FNBP1: variants seen among roughly 807,000 people sequenced by gnomAD.
FNBP1 encodes the protein formin binding protein 1.
FNBP1 carries 26 observed loss-of-function variants against 90.6 expected under a neutral mutation model. That is an observed-to-expected ratio of 0.29 (90% CI 0.21 to 0.40). The LOEUF (loss-of-function observed/expected upper bound fraction) is 0.40, where lower values mean the gene tolerates loss of function less well. Among genes scored for constraint, FNBP1 ranks in the 10% least tolerant of loss-of-function variants. The probability of loss-of-function intolerance (pLI) is 1.00; values close to 1 mark genes in which losing one functional copy is unlikely to be tolerated. For missense variants in FNBP1, 635 were observed against 768.0 expected (o/e 0.83, Z 2.05); for synonymous variants, 260 against 265.2 (o/e 0.98, Z 0.19).
chr9:130,019,033 T>C (rs1411255956), intron 1 of FNBP1, among the ~76,000 whole-genome samples: 1 of 152,062 alleles, frequency 6.6e-6, no homozygotes, highest in East Asian at 1.9e-4. Flanking sequence ...AAGACCAGCT[T>C]GGGCAATATG....
At chr9:130,027,869 G>A (rs192617675) in intron 1 of FNBP1, among the ~76,000 whole-genome samples, 124 of 151,856 alleles carry the variant, frequency 8.2e-4, no homozygotes, top group African/African-American at 3.0e-3. Flanking sequence ...TTAAAAGTAA[G>A]TATCCTAAAA....
At chr9:129,892,071 T>C (rs918608713) in intron 16 of FNBP1, among the ~76,000 whole-genome samples, 2 of 152,148 alleles carry the variant, frequency 1.3e-5, no homozygotes, top group Non-Finnish European at 2.9e-5. Flanking sequence ...TAGCTCCCCA[T>C]GCGAGAGGCT....
At chr9:130,005,062 CAAAAA>C (rs573686773) in intron 1 of FNBP1, among the ~76,000 whole-genome samples, 1 of 92,840 alleles carries the variant, frequency 1.1e-5, no homozygotes, top group Non-Finnish European at 2.1e-5. Context: ...AAGACTGTCT[CAAAAA>C]AAAAAAAAAA....
chr9:129,890,436 G>T lies in FNBP1; in HGVS notation c.*103C>A. 2 of 917,978 alleles carry T rather than the reference G, an allele frequency of 2.2e-6. No homozygotes were observed. Among genetic ancestry groups the T allele is most frequent in the Non-Finnish European group, 3.5e-6 (2 of 572,530 alleles). 56.9% of individuals were successfully genotyped at this position (917,978 alleles called of 1,614,324 possible). A position where few individuals can be genotyped will look rare whatever the true frequency, so the allele number is the denominator to read the frequency against. ...GACCGCCCCGCAGGGATGGGGCTGCGGAGGGGTGGGCTGTCCACAGGGCAG... is the reference window on the plus strand; with the variant it reads ...GACCGCCCCGCAGGGATGGGGCTGCTGAGGGGTGGGCTGTCCACAGGGCAG... On this transcript the variant is annotated 3_prime_UTR_variant, in exon 17 of 17. Transcript: ENST00000446176. This position sits in a 1 kb window ranked among gnomAD's most constrained non-coding sequence, Gnocchi z 5.8.
intron 4 of FNBP1, among the ~76,000 whole-genome samples, chr9:129,969,889 CT>C (rs35399090): frequency 3.2e-4 from 43 of 132,486 alleles, no homozygotes; most frequent in East Asian, 1.1e-3. Context: ...ATATTCCTAA[CT>C]TTTTTTTTTT....
At chr9:129,931,626 T>TAATA (rs890490272) in intron 6 of FNBP1, among the ~76,000 whole-genome samples, 62 of 149,948 alleles carry the variant, frequency 4.1e-4, no homozygotes, top group South Asian at 1.9e-3. Flanking sequence ...AATAATAAAA[T>TAATA]AATAAATAAA....
At chr9:130,005,875 A>C (rs779665244) in intron 1 of FNBP1, among the ~76,000 whole-genome samples, 14 of 152,202 alleles carry the variant, frequency 9.2e-5, no homozygotes, top group Non-Finnish European at 1.6e-4. Context: ...ATGTTTTGAC[A>C]ATAGGAGTAG....
chr9:129,988,664 G>A (rs1412147365), intron 2 of FNBP1, among the ~76,000 whole-genome samples: 2 of 152,056 alleles, frequency 1.3e-5, no homozygotes, highest in African/African-American at 2.4e-5. Flanking sequence ...GTGACAGAGC[G>A]AGACTCCATC....
intron 2 of FNBP1, among the ~76,000 whole-genome samples, chr9:129,992,457 A>G (rs1288489375): frequency 6.6e-6 from 1 of 152,156 alleles, no homozygotes; most frequent in Non-Finnish European, 1.5e-5. Flanking sequence ...TTCACTCAAT[A>G]AAAACAAAAT....
At position 129,890,481 on chromosome 9, in the gene FNBP1, AACAAGCAGACGG is replaced by A; in HGVS notation, c.*46_*57del. Reference sequence around the variant, plus strand: ...GGGCAGGGCGCTGGAGGCCTGTGGGAACAAGCAGACGGAGGCTCCTCCAGGAAGGCTCACCCG... The same window carrying A: ...GGGCAGGGCGCTGGAGGCCTGTGGGAAGGCTCCTCCAGGAAGGCTCACCCG... On this transcript the variant is annotated 3_prime_UTR_variant, in exon 17 of 17. Coordinates refer to ENST00000446176, the MANE Select transcript of FNBP1 (RefSeq NM_015033.3). The surrounding 1 kb of genome is among the most constrained non-coding windows in gnomAD (Gnocchi z 5.8). The A allele has an allele frequency of 6.7e-7, 1 of 1,500,178 alleles. No homozygotes were observed. The highest frequency in any genetic ancestry group is 9.1e-7 in the Non-Finnish European group (1 of 1,095,084). 92.9% of individuals were successfully genotyped at this position (1,500,178 alleles called of 1,614,324 possible). A position where few individuals can be genotyped will look rare whatever the true frequency, so the allele number is the denominator to read the frequency against.
chr9:129,902,011 T>C (rs1354625714), intron 13 of FNBP1, among the ~76,000 whole-genome samples: 1 of 152,224 alleles, frequency 6.6e-6, no homozygotes, highest in Non-Finnish European at 1.5e-5. Context: ...CCATGCTCTG[T>C]AGTCTTTAAA....
chr9:129,907,347 C>T (rs189138737), intron 12 of FNBP1, among the ~76,000 whole-genome samples: 6 of 152,216 alleles, frequency 3.9e-5, no homozygotes, highest in Admixed American at 2.0e-4. Flanking sequence ...CATTTTATTT[C>T]GCAGACACTT....
chr9:130,022,817 G>T (rs1164113433), intron 1 of FNBP1, among the ~76,000 whole-genome samples: 1 of 151,860 alleles, frequency 6.6e-6, no homozygotes, highest in East Asian at 1.9e-4. Context: ...AGGACTACAG[G>T]TGTGCGTTAG....
the FNBP1 span, among the ~76,000 whole-genome samples, chr9:130,051,936 T>C: frequency 0.96 from 146,556 of 152,344 alleles, 70,613 homozygotes; most frequent in East Asian, 1. Flanking sequence ...TAAAGTGTAA[T>C]GTCCCTTTGA....
Position 129,947,440 on chromosome 9 carries a change from CA to C in FNBP1, c.513+9919del, listed in dbSNP as rs530714143. Among the ~76,000 whole-genome samples, 141 of 96,858 alleles carry C rather than the reference CA, an allele frequency of 1.5e-3. 1 individual carries two copies. The highest frequency in any genetic ancestry group is 0.013 in the East Asian group (46 of 3,608). 63.5% of individuals were successfully genotyped at this position (96,858 alleles called of 152,430 possible). Reference sequence around the variant, plus strand: ...GGGCAACAAGAGTAAAACTCCGTCTCAAAAAAAAAAAAGAAAAGAAAAAAAG... The same window carrying C: ...GGGCAACAAGAGTAAAACTCCGTCTCAAAAAAAAAAAGAAAAGAAAAAAAG... On this transcript the variant is annotated intron_variant, in intron 6 of 16. Coordinates refer to ENST00000446176, the MANE Select transcript of FNBP1 (RefSeq NM_015033.3).
At chr9:130,001,371 T>C (rs548095470) in intron 1 of FNBP1, among the ~76,000 whole-genome samples, 25 of 150,520 alleles carry the variant, frequency 1.7e-4, no homozygotes, top group Non-Finnish European at 4.4e-5. Context: ...TAGTTACCAG[T>C]GCAATTTGGA....
the FNBP1 span, among the ~76,000 whole-genome samples, chr9:130,049,431 G>T: frequency 3.8e-4 from 58 of 152,170 alleles, no homozygotes; most frequent in African/African-American, 1.4e-3. Flanking sequence ...TATTGTAAAG[G>T]TTGAAAGAAA....
At chr9:129,979,258 C>A in intron 3 of FNBP1, 60 bp downstream of exon 3, 1 of 948,062 alleles carries the variant, frequency 1.1e-6, no homozygotes, top group Admixed American at 2.1e-5. Flanking sequence ...TTTCTCCTTT[C>A]CGTGTGTAGT....
intron 1 of FNBP1, among the ~76,000 whole-genome samples, chr9:130,016,006 T>C (rs746494078): frequency 8.5e-5 from 13 of 152,268 alleles, no homozygotes; most frequent in Non-Finnish European, 1.2e-4. Flanking sequence ...GAATTCCTTT[T>C]GTAACTGTTC....
Sources: allele counts gnomAD v4.1 joint callset (sites outside exome capture counted in the v4.1 genomes callset), GRCh38; gene constraint gnomAD v4.1.1; non-coding constraint Gnocchi (gnomAD v3.1); transcripts MANE v1.5; gene names NCBI Gene and HGNC (gene_info 2026-07-23, HGNC 2026-07-21).